Variants in ROBO4 observed in about 807,000 individuals in gnomAD.
ROBO4 encodes roundabout guidance receptor 4.
ROBO4 carries 80 observed loss-of-function variants against 103.3 expected under a neutral mutation model. The ratio of observed to expected loss-of-function variants is 0.77; its 90% CI spans 0.65 to 0.93. ROBO4 has a LOEUF of 0.93. Ranked by LOEUF, ROBO4 falls within the 40% of genes least tolerant of loss-of-function variation. The pLI is 0.00. For synonymous variants in ROBO4, 504 were observed against 529.7 expected, an observed-to-expected ratio of 0.95 and a Z score of 0.67; for missense variants, 1,333 against 1,305.3, an observed-to-expected ratio of 1.02 and a Z score of -0.33.
intron 12 of ROBO4, among the ~76,000 whole-genome samples, chr11:124,890,887 C>T (rs1366985369): frequency 3.3e-5 from 5 of 152,232 alleles, no homozygotes; most frequent in Admixed American, 6.5e-5. Context: ...GCACTGGTCA[C>T]ATTCCCCCAG....
chr11:124,895,733 C>A (rs202168483), intron 5 of ROBO4, 48 bp from the exon 6 acceptor site: 1 of 1,612,678 alleles, frequency 6.2e-7, no homozygotes, highest in South Asian at 1.1e-5. Flanking sequence ...AGCTCAGGAA[C>A]GCCCTTTCTT....
chr11:124,887,339 C>T lies in ROBO4; in HGVS notation c.2198+19G>A, dbSNP rs201320620. On this transcript the variant is annotated intron_variant, in intron 14 of 17. Coordinates refer to ENST00000306534, the MANE Select transcript of ROBO4 (RefSeq NM_019055.6). ...CCCCCACTCTCCCAGCCCTGCTTCCCGACCCCATGCCCTCTTACTGGGTCT... is the reference window on the plus strand; with the variant it reads ...CCCCCACTCTCCCAGCCCTGCTTCCTGACCCCATGCCCTCTTACTGGGTCT... The T allele has an allele frequency of 1.8e-4, 289 of 1,613,884 alleles. 3 individuals are homozygous for T. The South Asian group carries it at 2.8e-3, about 16-fold the overall frequency.
rs1946802218 is a variant in ROBO4 at position 124,891,723 on chromosome 11, TG to T, written c.1626del (p.Ser542ArgfsTer15). On this transcript the variant is annotated frameshift_variant, in exon 11 of 18. Coordinates refer to ENST00000306534, the MANE Select transcript of ROBO4 (RefSeq NM_019055.6). LOFTEE classifies it high-confidence loss of function. The part of the protein sequence containing the change: ...TSGSRDLSSS[S>X]SLSSRLGADA... ...TCCGCCCCCAGCCGACTGCTGAGGCTGCTGCTGCTGCTCAGGTCCCGAGAGC... is the reference window on the plus strand; with the variant it reads ...TCCGCCCCCAGCCGACTGCTGAGGCTCTGCTGCTGCTCAGGTCCCGAGAGC... 2 of 1,613,954 alleles carry T rather than the reference TG, an allele frequency of 1.2e-6. No individual in the cohort carries two copies. The highest frequency in any genetic ancestry group is 2.7e-5 in the African/African-American group (2 of 75,046).
Position 124,891,687 on chromosome 11 carries a change from G to C in ROBO4, c.1663C>G (p.Pro555Ala). ...SSRLGADARDPLDCRRSLLSW... is the reference protein window; with the variant it reads ...SSRLGADARDALDCRRSLLSW... ...TCACAGGAGCGACGACAGTCTAGTG[G>C]GTCCCGGGCATCCGCCCCCAGCCGA... The change falls in exon 11 of 18, where the codon CCA becomes GCA. Residue 555 changes from proline (P) to alanine (A), a missense_variant. Coordinates refer to ENST00000306534, the MANE Select transcript of ROBO4 (RefSeq NM_019055.6). 1.2e-6 allele frequency: 2 copies of C among 1,614,198 alleles called. No individual in the cohort carries two copies. Among genetic ancestry groups the C allele is most frequent in the Non-Finnish European group, 1.7e-6 (2 of 1,180,042 alleles).
chr11:124,894,997 G>T, intron 7 of ROBO4, 84 bp downstream of exon 7: 1 of 1,060,112 alleles, frequency 9.4e-7, no homozygotes, highest in East Asian at 2.4e-5. Context: ...CTTTCTCAGT[G>T]CCCAGAGCAA....
At chr11:124,892,269 A>G (rs12417435) in intron 10 of ROBO4, 29,844 of 346,096 alleles carry the variant, frequency 0.086, 1,575 homozygotes, top group South Asian at 0.13. Context: ...GAGATCACTC[A>G]GCTGGCAGAG....
rs140857833 is a variant in ROBO4, at chr11:124,895,571, C to T, written c.922G>A (p.Ala308Thr). ...CCCCAGTGGAGGCCTCCAAGCTCTG[C>T]GCTCTGCCAGCCGGCCAGCAGCTCC... is the stretch of plus-strand genomic sequence containing the variant. ...AEELLAGWQS[A>T]ELGGLHWGQD... The change falls in exon 6 of 18, where the codon GCA (alanine) becomes ACA (threonine). Residue 308 changes from alanine (A) to threonine (T), a missense_variant. Ala to Thr is a moderately conservative substitution (Grantham distance 58, BLOSUM62 0). Transcript: ENST00000306534. 212 of 1,613,204 alleles carry T rather than the reference C, an allele frequency of 1.3e-4. 2 individuals are homozygous for T. The South Asian group carries it at 1.5e-3, about 11-fold the overall frequency.
rs758821634 is a variant in ROBO4 at position 124,897,274 on chromosome 11, G to C, written c.71-13C>G. 1 of 1,430,964 alleles carries C rather than the reference G, an allele frequency of 7.0e-7. No individual in the cohort carries two copies. Among genetic ancestry groups the C allele is most frequent in the South Asian group, 1.5e-5 (1 of 67,200 alleles). 88.6% of individuals were successfully genotyped at this position (1,430,964 alleles called of 1,614,324 possible). A position where few individuals can be genotyped will look rare whatever the true frequency, so the allele number is the denominator to read the frequency against. On this transcript the variant is annotated splice_polypyrimidine_tract_variant and intron_variant, in intron 1 of 17. Coordinates refer to ENST00000306534, the MANE Select transcript of ROBO4 (RefSeq NM_019055.6). The stretch of plus-strand genomic sequence containing the variant: ...TGAGCCATGCCTCCTGGGAGGGAAA[G>C]GGAGCAGAGCCCAGTCTGATCACCA...
rs1401283553 is a variant in ROBO4 at position 124,887,312 on chromosome 11, C to T, written c.2198+46G>A. On this transcript the variant is annotated intron_variant, in intron 14 of 17. Transcript: ENST00000306534. ...GTCCAATCCCGGCACACACTCCCCACACCCCCACTCTCCCAGCCCTGCTTC... is the reference window on the plus strand; with the variant it reads ...GTCCAATCCCGGCACACACTCCCCATACCCCCACTCTCCCAGCCCTGCTTC... The T allele has an allele frequency of 3.7e-6, 6 of 1,612,766 alleles. No individual in the cohort carries two copies. In the South Asian group the frequency reaches 4.4e-5, roughly 12 times the overall value.
rs149507368 is a variant in ROBO4, at chr11:124,891,430, C to T, written c.1817G>A (p.Arg606His). 4.7e-3 allele frequency: 7,475 copies of T among 1,592,004 alleles called. 18 individuals carry two copies. Among genetic ancestry groups the T allele is most frequent in the Non-Finnish European group, 5.7e-3 (6,657 of 1,168,072 alleles). Residue 606 changes from arginine to histidine, a missense_variant, in exon 12 of 18, where the codon CGC (arginine) becomes CAC (histidine). Coordinates refer to ENST00000306534, the MANE Select transcript of ROBO4 (RefSeq NM_019055.6). ...RPSPQVPAVR[R>H]LPPQLAQLSS... ...GAGCTGGGCCAGCTGGGGTGGGAGG[C>T]GCCTGACAGCTGGGACCTGGGGACT...
Position 124,896,565 on chromosome 11 carries a change from A to G in ROBO4, c.506T>C (p.Val169Ala). 1 of 1,614,022 alleles carries G rather than the reference A, an allele frequency of 6.2e-7. No individual in the cohort carries two copies. Residue 169 changes from valine to alanine, a missense_variant, in exon 3 of 18, where the codon GTC (valine) becomes GCC (alanine). Physicochemically the swap from Val to Ala is moderately conservative, Grantham distance 64 (BLOSUM62 0). Coordinates refer to ENST00000306534, the MANE Select transcript of ROBO4 (RefSeq NM_019055.6). ...GPPWGHPEPT[V>A]SWWKDGKPLA... Reference sequence around the variant, plus strand: ...GGGTTTCCCATCTTTCCACCATGAGACTGTGGGCTCTGGGTGGCCCCAGGG... The same window carrying G: ...GGGTTTCCCATCTTTCCACCATGAGGCTGTGGGCTCTGGGTGGCCCCAGGG...
chr11:124,887,613 C>G, intron 13 of ROBO4, 114 bp from the exon 14 acceptor site: 2 of 1,540,192 alleles, frequency 1.3e-6, no homozygotes, highest in Non-Finnish European at 1.8e-6. Context: ...TCCATCCAAC[C>G]CTCATCAGCC....
rs1250430934 is a variant in ROBO4 at position 124,894,200 on chromosome 11, C to G, written c.1318+1G>C. On this transcript the variant is annotated splice_donor_variant, in intron 8 of 17. Coordinates refer to ENST00000306534, the MANE Select transcript of ROBO4 (RefSeq NM_019055.6). LOFTEE classifies it high-confidence loss of function. ...GGTGGGTCTGTGGGCACTGCCCTCA[C>G]CTAAAAGGAGGCAGACAGGTCTACT... 1 of 1,609,104 alleles carries G rather than the reference C, an allele frequency of 6.2e-7. No homozygotes were observed. Among genetic ancestry groups the G allele is most frequent in the South Asian group, 1.1e-5 (1 of 90,606 alleles).
At position 124,893,438 on chromosome 11, in the gene ROBO4, G is replaced by C. The variant is rs566929149; in HGVS notation, c.1547+250C>G. ...ACCTAGCGGGTGAGGCAGCAGGAGA[G>C]GTGGGGTGACAAGAGTCCTGGATTG... is the stretch of plus-strand genomic sequence containing the variant. On this transcript the variant is annotated intron_variant, in intron 10 of 17. Coordinates refer to ENST00000306534, the MANE Select transcript of ROBO4 (RefSeq NM_019055.6). Among the ~76,000 whole-genome samples, 156 of 152,350 alleles carry C rather than the reference G, an allele frequency of 1.0e-3. 2 individuals carry two copies. The highest frequency in any genetic ancestry group is 3.5e-3 in the African/African-American group (144 of 41,578).
rs1318716833 is a variant in ROBO4 at position 124,896,244 on chromosome 11, G to A, written c.633C>T (p.Asn211=). 5.6e-6 allele frequency: 9 copies of A among 1,614,142 alleles called. No homozygotes were observed. Among genetic ancestry groups the A allele is most frequent in the Non-Finnish European group, 7.6e-6 (9 of 1,180,032 alleles). The change falls in exon 4 of 18, where the codon AAC becomes AAT. Residue 211 remains asparagine, a synonymous_variant. Coordinates refer to ENST00000306534, the MANE Select transcript of ROBO4 (RefSeq NM_019055.6). ...CGCGGCTCTCCCTATGTCCTGCGCT[G>A]TTGGTGGCCACACACATGTAGGTCC... is the stretch of plus-strand genomic sequence containing the variant. The part of the protein sequence containing the change: ...DEGTYMCVAT[N]SAGHRESRAA...
Position 124,891,677 on chromosome 11 carries a change from C to G in ROBO4, c.1673G>C (p.Cys558Ser). 1 of 1,614,202 alleles carries G rather than the reference C, an allele frequency of 6.2e-7. No homozygotes were observed. Among genetic ancestry groups the G allele is most frequent in the Non-Finnish European group, 8.5e-7 (1 of 1,180,040 alleles). Reference protein sequence around the residue: ...LGADARDPLDCRRSLLSWDSR... With the variant: ...LGADARDPLDSRRSLLSWDSR... ...CTGAGCATGCTCACAGGAGCGACGA[C>G]AGTCTAGTGGGTCCCGGGCATCCGC... The change falls in exon 11 of 18, where the codon TGT (cysteine) becomes TCT (serine). Residue 558 changes from cysteine (C) to serine (S), a missense_variant. By Grantham distance (112) the Cys-to-Ser change is moderately radical. Transcript: ENST00000306534.
rs747890257 is a variant in ROBO4, at chr11:124,884,908, G to A, written c.3007C>T (p.Pro1003Ser). Reference sequence around the variant, plus strand: ...GACACGGTTCAGGAGTAATCTACAGGAGAAGCTGAAGGACAGTGGAGTTAT... The same window carrying A: ...GACACGGTTCAGGAGTAATCTACAGAAGAAGCTGAAGGACAGTGGAGTTAT... The part of the protein sequence containing the change: ...HCRMPKAGAS[P>S]VDYS Residue 1003 changes from proline to serine, a missense_variant, in exon 18 of 18, where the codon CCT becomes TCT. Physicochemically the swap from Pro to Ser is moderately conservative, Grantham distance 74. Transcript: ENST00000306534. The A allele has an allele frequency of 1.2e-6, 2 of 1,614,186 alleles. No individual in the cohort carries two copies. The highest frequency in any genetic ancestry group is 2.2e-5 in the South Asian group (2 of 91,082).
At chr11:124,894,137 C>T in intron 8 of ROBO4, 64 bp downstream of exon 8, 1 of 1,561,022 alleles carries the variant, frequency 6.4e-7, no homozygotes, top group Non-Finnish European at 8.7e-7. Context: ...GAGGCGGGAG[C>T]AGGGAGAGAG....
intron 4 of ROBO4, 65 bp downstream of exon 4, chr11:124,896,133 C>T: frequency 6.3e-7 from 1 of 1,592,632 alleles, no homozygotes; most frequent in South Asian, 1.1e-5. Flanking sequence ...CAGCCCAAAC[C>T]AGAATACACC....
Sources: allele counts gnomAD v4.1 joint callset (sites outside exome capture counted in the v4.1 genomes callset), GRCh38; gene constraint gnomAD v4.1.1; transcripts MANE v1.5; gene names NCBI Gene and HGNC (gene_info 2026-07-23, HGNC 2026-07-21).